The following TMPRSS3 variants were observed in gnomAD, a reference collection of about 807,000 sequenced individuals.
The protein encoded by TMPRSS3 is transmembrane protease serine 3.
TMPRSS3 carries 55 observed loss-of-function variants against 59.6 expected under a neutral mutation model. The observed-to-expected ratio is 0.92, with a 90% CI of 0.74 to 1.16. TMPRSS3 has a LOEUF of 1.16. TMPRSS3 is among the 50% of genes most tolerant of loss of function. The pLI, the probability that TMPRSS3 is intolerant of heterozygous loss-of-function variation, is 0.00. For synonymous variants in TMPRSS3, 257 were observed against 237.7 expected, an observed-to-expected ratio of 1.08 and a Z score of -0.75; for missense variants, 596 against 579.4, an observed-to-expected ratio of 1.03 and a Z score of -0.29.
chr21:42,382,886 GC>G (rs996886873), intron 8 of TMPRSS3, 146 bp downstream of exon 8: 4 of 961,938 alleles, frequency 4.2e-6, no homozygotes, highest in Non-Finnish European at 6.4e-6. Context: ...CCACAGTGAG[GC>G]TGGAGACTCC....
intron 3 of TMPRSS3, chr21:42,389,283 A>T (rs1228747660): frequency 1.0e-5 from 3 of 294,338 alleles, no homozygotes; most frequent in Admixed American, 6.5e-5. Context: ...ACCACAGTGC[A>T]AGGTGAATTT....
Position 42,376,605 on chromosome 21 carries a change from C to T in TMPRSS3, c.1127G>A (p.Gly376Asp). Residue 376 changes from glycine to aspartate, a missense_variant, in exon 11 of 13, where the codon GGT (glycine) becomes GAT (aspartate). Coordinates refer to ENST00000644384, the MANE Select transcript of TMPRSS3 (RefSeq NM_001256317.3). ...NKICNHRDVY[G>D]GIISPSMLCA... The stretch of plus-strand genomic sequence containing the variant: ...GAGCATGGAGGGGGAGATGATGCCA[C>T]CGTACACGTCCCTGTGGTTGCAGAT... 2 of 1,614,018 alleles carry T rather than the reference C, an allele frequency of 1.2e-6. No individual in the cohort carries two copies. The highest frequency in any genetic ancestry group is 1.7e-6 in the Non-Finnish European group (2 of 1,180,026).
In TMPRSS3 at chr21:42,371,957, A is replaced by G. The variant is rs771422917; in HGVS notation, c.*805T>C. 1.5e-4 allele frequency: 67 copies of G among 454,564 alleles called. No individual in the cohort carries two copies. Among genetic ancestry groups the G allele is most frequent in the Non-Finnish European group, 2.3e-4 (53 of 226,800 alleles). The allele number at this position is 454,564 out of a possible 1,614,324, so 28.2% of individuals were successfully genotyped here. On this transcript the variant is annotated 3_prime_UTR_variant, in exon 13 of 13. Coordinates refer to ENST00000644384, the MANE Select transcript of TMPRSS3 (RefSeq NM_001256317.3). ...ACGTCAAGCACCAAATGCTACAAAGAAATCATGAAAATAGGCCTTAAACGA... is the reference window on the plus strand; with the variant it reads ...ACGTCAAGCACCAAATGCTACAAAGGAATCATGAAAATAGGCCTTAAACGA...
chr21:42,394,358 C>T (rs1165991159), intron 2 of TMPRSS3, among the ~76,000 whole-genome samples: 2 of 152,006 alleles, frequency 1.3e-5, no homozygotes, highest in African/African-American at 4.8e-5. Context: ...TTTATAAAAA[C>T]CTTTTATGGA....
chr21:42,386,316 T>C (rs562665235), intron 5 of TMPRSS3, among the ~76,000 whole-genome samples: 1 of 148,060 alleles, frequency 6.8e-6, no homozygotes, highest in East Asian at 1.9e-4. Flanking sequence ...TATGGGGGTG[T>C]GTATGTAGAA....
rs376399439 is a variant in TMPRSS3 at position 42,385,501 on chromosome 21, C to T, written c.480G>A (p.Ser160=). The change falls in exon 6 of 13, where the codon TCG becomes TCA. Residue 160 remains serine (S), a synonymous_variant. Transcript: ENST00000644384. ...ACTCCTCCCGGAACTGCCCCTCCAG[C>T]GAGCTCACTCTGAGGTTATCTGAAC... ...YVSSDNLRVS[S]LEGQFREEFV... is the part of the protein sequence containing the mutation. 58 of 1,614,156 alleles carry T rather than the reference C, an allele frequency of 3.6e-5. No homozygotes were observed. Among genetic ancestry groups the T allele is most frequent in the East Asian group, 2.0e-4 (9 of 44,872 alleles).
At position 42,372,641 on chromosome 21, in the gene TMPRSS3, G is replaced by C. The variant is rs780648559; in HGVS notation, c.*121C>G. The C allele has an allele frequency of 1.0e-6, 1 of 996,752 alleles. No homozygotes were observed. Among genetic ancestry groups the C allele is most frequent in the Non-Finnish European group, 1.6e-6 (1 of 616,622 alleles). The allele number at this position is 996,752 out of a possible 1,614,324, so 61.7% of individuals were successfully genotyped here. ...TGCCTCTTTCGGGCCTGCTACTGGTGCCGGAACTCAGAGCTCCAAGGGTGT... is the reference window on the plus strand; with the variant it reads ...TGCCTCTTTCGGGCCTGCTACTGGTCCCGGAACTCAGAGCTCCAAGGGTGT... On this transcript the variant is annotated 3_prime_UTR_variant, in exon 13 of 13. Coordinates refer to ENST00000644384, the MANE Select transcript of TMPRSS3 (RefSeq NM_001256317.3).
rs543294917 is a variant in TMPRSS3, at chr21:42,382,951, G to A, written c.782+82C>T. The A allele has an allele frequency of 4.0e-5, 62 of 1,562,456 alleles. No homozygotes were observed. The East Asian group carries it at 8.8e-4, about 22-fold the overall frequency. On this transcript the variant is annotated intron_variant, in intron 8 of 12. Coordinates refer to ENST00000644384, the MANE Select transcript of TMPRSS3 (RefSeq NM_001256317.3). ...GTCTCTCTGTCTTCCCTCTGGACCC[G>A]CTTCTCACCACCCAAAGCAGCCCCA...
chr21:42,390,278 A>C (rs1487790324), intron 2 of TMPRSS3: 4 of 517,104 alleles, frequency 7.7e-6, no homozygotes, highest in Non-Finnish European at 1.4e-5. Context: ...TATGGGTTGA[A>C]TAGTATCCCC....
intron 12 of TMPRSS3, among the ~76,000 whole-genome samples, chr21:42,374,389 G>A (rs1467240914): frequency 6.6e-6 from 1 of 152,264 alleles, no homozygotes; most frequent in Non-Finnish European, 1.5e-5. Flanking sequence ...CCCTGTGCCC[G>A]TGGGCACCAT....
intron 10 of TMPRSS3, 68 bp from the exon 11 acceptor site, chr21:42,376,751 C>G: frequency 1.2e-6 from 2 of 1,610,412 alleles, no homozygotes; most frequent in Non-Finnish European, 1.7e-6. Context: ...AAGGCGCATG[C>G]TGAGACCAGG....
intron 2 of TMPRSS3, 27 bp from the exon 3 acceptor site, chr21:42,390,064 A>T: frequency 3.9e-6 from 6 of 1,543,724 alleles, no homozygotes; most frequent in Non-Finnish European, 5.4e-6. Context: ...GGAAGAGCAG[A>T]AAGCCACAGA....
chr21:42,373,731 G>A (rs963108715), intron 12 of TMPRSS3, among the ~76,000 whole-genome samples: 4 of 152,152 alleles, frequency 2.6e-5, no homozygotes, highest in Non-Finnish European at 4.4e-5. Context: ...TAGCTGGGGG[G>A]GCCTCATGCA....
chr21:42,382,868 T>A, intron 8 of TMPRSS3, 165 bp downstream of exon 8: 2 of 802,828 alleles, frequency 2.5e-6, no homozygotes, highest in Non-Finnish European at 4.1e-6. Flanking sequence ...CAGCTGATGA[T>A]GATGGGTCCA....
At chr21:42,395,288 G>T (rs2146461409) in intron 2 of TMPRSS3, 36 bp downstream of exon 2, 1 of 1,562,258 alleles carries the variant, frequency 6.4e-7, no homozygotes. Context: ...GAGGGTATGG[G>T]CAGAAATCAC....
intron 12 of TMPRSS3, among the ~76,000 whole-genome samples, chr21:42,373,929 G>A (rs374643807): frequency 2.0e-5 from 3 of 152,222 alleles, no homozygotes; most frequent in South Asian, 2.1e-4. Context: ...TCTGCCTTGC[G>A]CCTTCAGTGT....
intron 12 of TMPRSS3, among the ~76,000 whole-genome samples, chr21:42,374,170 C>T (rs950041501): frequency 2.6e-5 from 4 of 152,176 alleles, no homozygotes; most frequent in Admixed American, 6.5e-5. Context: ...ACAGTGCGGG[C>T]GGGCTGGGCT....
intron 10 of TMPRSS3, among the ~76,000 whole-genome samples, chr21:42,377,474 G>A (rs539322953): frequency 2.0e-5 from 3 of 152,218 alleles, no homozygotes; most frequent in Non-Finnish European, 2.9e-5. Flanking sequence ...CACACTTGAC[G>A]CCAGCGCCCT....
intron 12 of TMPRSS3, among the ~76,000 whole-genome samples, chr21:42,373,759 T>C (rs904532642): frequency 1.2e-4 from 19 of 152,138 alleles, no homozygotes; most frequent in African/African-American, 3.4e-4. Context: ...TCCGCTGTAG[T>C]ACAGGGAGGG....
Sources: allele counts gnomAD v4.1 joint callset (sites outside exome capture counted in the v4.1 genomes callset), GRCh38; gene constraint gnomAD v4.1.1; transcripts MANE v1.5; gene names NCBI Gene and HGNC (gene_info 2026-07-23, HGNC 2026-07-21).